EFCAB8: variants seen among roughly 807,000 people sequenced by gnomAD.
The protein encoded by EFCAB8 is EF-hand calcium binding domain 8.
A neutral mutation model predicts 116.3 loss-of-function variants in EFCAB8; 100 were observed. That is an observed-to-expected ratio of 0.86 (90% CI 0.73 to 1.02). The LOEUF is 1.02. Among genes scored for constraint, EFCAB8 ranks in the 50% least tolerant of loss-of-function variants. EFCAB8 has a pLI of 0.00. For missense variants in EFCAB8, 1,320 were observed against 1,416.9 expected (o/e 0.93, Z 1.10); for synonymous variants, 558 against 567.9 (o/e 0.98, Z 0.25).
chr20:32,889,986 G>A lies in EFCAB8; in HGVS notation c.673+580G>A, dbSNP rs145247957. Among the ~76,000 whole-genome samples the A allele has an allele frequency of 4.1e-3, 579 of 139,764 alleles. 4 individuals carry two copies. Among genetic ancestry groups the A allele is most frequent in the African/African-American group, 0.015 (560 of 38,326 alleles). 91.7% of individuals were successfully genotyped at this position (139,764 alleles called of 152,430 possible). Reference sequence around the variant, plus strand: ...ATTGCACTCCAGCATGGGCGACAGAGAGAGACTCAGTCTTAAAAAAAAAAA... The same window carrying A: ...ATTGCACTCCAGCATGGGCGACAGAAAGAGACTCAGTCTTAAAAAAAAAAA... On this transcript the variant is annotated intron_variant, in intron 7 of 26. Coordinates refer to ENST00000400522, the MANE Select transcript of EFCAB8 (RefSeq NM_001143967.2).
intron 15 of EFCAB8, among the ~76,000 whole-genome samples, chr20:32,910,419 G>A (rs1281325433): frequency 6.6e-6 from 1 of 152,196 alleles, no homozygotes; most frequent in Non-Finnish European, 1.5e-5. Context: ...AGCTGGGCAT[G>A]AGGAGTTGCT....
At chr20:32,928,957 T>G (rs1287151474) in intron 20 of EFCAB8, among the ~76,000 whole-genome samples, 1 of 152,026 alleles carries the variant, frequency 6.6e-6, no homozygotes, top group Non-Finnish European at 1.5e-5. Flanking sequence ...GTGGGTTTTT[T>G]TCTTTTTTTG....
At chr20:32,899,287 C>T (rs1220346734) in intron 11 of EFCAB8, among the ~76,000 whole-genome samples, 1 of 150,950 alleles carries the variant, frequency 6.6e-6, no homozygotes, top group Non-Finnish European at 1.5e-5. Context: ...CACCTGTAGT[C>T]CCAGCTACTC....
At chr20:32,941,483 T>G (rs1303354929) in intron 22 of EFCAB8, among the ~76,000 whole-genome samples, 2 of 137,060 alleles carry the variant, frequency 1.5e-5, no homozygotes, top group Non-Finnish European at 3.2e-5. Context: ...AATGTCAACT[T>G]CCAAATGGAT....
At chr20:32,861,106 C>G (rs925557072) in intron 1 of EFCAB8, among the ~76,000 whole-genome samples, 1 of 152,176 alleles carries the variant, frequency 6.6e-6, no homozygotes, top group Admixed American at 6.6e-5. Context: ...ATTCATCCTT[C>G]TGATGTTTGG....
intron 20 of EFCAB8, among the ~76,000 whole-genome samples, chr20:32,926,457 A>G (rs1347702936): frequency 1.3e-5 from 2 of 148,718 alleles, no homozygotes; most frequent in East Asian, 2.0e-4. Flanking sequence ...CAAACCTTGC[A>G]ATTTGTGGTG....
chr20:32,885,171 C>T (rs1009359138), intron 5 of EFCAB8, among the ~76,000 whole-genome samples: 5 of 152,322 alleles, frequency 3.3e-5, no homozygotes, highest in Admixed American at 6.5e-5. Context: ...AGAAGCTTTG[C>T]GAACAACCTC....
At position 32,906,857 on chromosome 20, in the gene EFCAB8, G is replaced by C. The variant is rs369917049; in HGVS notation, c.1171G>C (p.Asp391His). ...DRNFLVTGGY[D>H]AFIRLWNPFV... ...CTTGACCACAGTGACTGGTGGCTAC[G>C]ATGCCTTCATCCGCCTGTGGAACCC... The change falls in exon 13 of 27, where the codon GAT becomes CAT. Residue 391 changes from aspartate (D) to histidine (H), a missense_variant. Coordinates refer to ENST00000400522, the MANE Select transcript of EFCAB8 (RefSeq NM_001143967.2). 2.0e-6 allele frequency: 3 copies of C among 1,501,224 alleles called. No homozygotes were observed. In the African/African-American group the frequency reaches 4.2e-5, roughly 21 times the overall value. 93.0% of individuals were successfully genotyped at this position (1,501,224 alleles called of 1,614,324 possible).
chr20:32,872,599 GC>G (rs1326965715), intron 3 of EFCAB8, among the ~76,000 whole-genome samples: 1 of 152,088 alleles, frequency 6.6e-6, no homozygotes, highest in African/African-American at 2.4e-5. Flanking sequence ...TTCGAGACCA[GC>G]CTGGCCAACA....
chr20:32,886,024 C>G (rs751346752), intron 6 of EFCAB8, among the ~76,000 whole-genome samples: 1 of 152,220 alleles, frequency 6.6e-6, no homozygotes, highest in South Asian at 2.1e-4. Context: ...CACGTCCTAC[C>G]GATTCAGGCC....
In EFCAB8 at chr20:32,959,803, C is replaced by T. The variant is rs554070545; in HGVS notation, c.3115C>T (p.Leu1039=). 5.3e-5 allele frequency: 81 copies of T among 1,518,350 alleles called. No homozygotes were observed. Among genetic ancestry groups the T allele is most frequent in the Non-Finnish European group, 6.6e-5 (75 of 1,128,848 alleles). The allele number at this position is 1,518,350 out of a possible 1,614,324, so 94.1% of individuals were successfully genotyped here. A position where few individuals can be genotyped will look rare whatever the true frequency, so the allele number is the denominator to read the frequency against. ...GGAGCAGCGGGATCTGGCTGAGGCC[C>T]TGATATACCAGCGGCGAGAGCAGGC... The part of the protein sequence containing the change: ...LQEQRDLAEA[L]IYQRREQAAL... Residue 1039 remains leucine, a synonymous_variant, in exon 25 of 27, where the codon CTG becomes TTG. Coordinates refer to ENST00000400522, the MANE Select transcript of EFCAB8 (RefSeq NM_001143967.2).
At chr20:32,885,412 CCCT>C (rs1458201132) in intron 5 of EFCAB8, 90 bp from the exon 6 acceptor site, 2 of 1,498,704 alleles carry the variant, frequency 1.3e-6, no homozygotes, top group Non-Finnish European at 1.8e-6. Context: ...CGGCTTTTGT[CCCT>C]CCTCCTCGGT....
intron 15 of EFCAB8, among the ~76,000 whole-genome samples, chr20:32,910,946 C>A (rs1295612768): frequency 6.6e-6 from 1 of 152,062 alleles, no homozygotes; most frequent in Non-Finnish European, 1.5e-5. Flanking sequence ...GCATTTTGGC[C>A]AGGCTGGTCT....
intron 15 of EFCAB8, 81 bp downstream of exon 15, chr20:32,910,012 G>A (rs1462265989): frequency 4.5e-6 from 3 of 668,008 alleles, no homozygotes; most frequent in Non-Finnish European, 6.5e-6. Flanking sequence ...CTGTGTGCCT[G>A]GGTCTGTAGT....
rs149862819 is a variant in EFCAB8, at chr20:32,867,172, G to A, written c.43-410G>A. Among the ~76,000 whole-genome samples the A allele has an allele frequency of 1.8e-3, 277 of 152,250 alleles. 1 individual carries two copies. Among genetic ancestry groups the A allele is most frequent in the African/African-American group, 6.1e-3 (255 of 41,554 alleles). ...TGACCTCAAATGATCCGCCCTCCTC[G>A]GCCTCCCGAAGTGCTGGGATTATGG... On this transcript the variant is annotated intron_variant, in intron 2 of 26. Transcript: ENST00000400522.
chr20:32,881,230 C>T (rs1445811224), intron 5 of EFCAB8, among the ~76,000 whole-genome samples: 1 of 152,128 alleles, frequency 6.6e-6, no homozygotes, highest in Admixed American at 6.6e-5. Context: ...GAGTTTTGCT[C>T]TTGTTGCCCA....
intron 20 of EFCAB8, among the ~76,000 whole-genome samples, chr20:32,927,325 T>A (rs1000623332): frequency 6.6e-6 from 1 of 152,022 alleles, no homozygotes; most frequent in Non-Finnish European, 1.5e-5. Flanking sequence ...TCACCATGAT[T>A]TGTTTATTTA....
chr20:32,933,252 G>A (rs911746448), intron 22 of EFCAB8, among the ~76,000 whole-genome samples: 2 of 152,092 alleles, frequency 1.3e-5, no homozygotes, highest in Admixed American at 6.5e-5. Flanking sequence ...GTTTTATAAT[G>A]ATATATTTTA....
intron 3 of EFCAB8, among the ~76,000 whole-genome samples, chr20:32,869,424 C>T (rs4264628): frequency 2.0e-5 from 3 of 152,048 alleles, no homozygotes; most frequent in Non-Finnish European, 2.9e-5. Flanking sequence ...TTAGTAGAGA[C>T]GGGGTTTCTC....
Sources: allele counts gnomAD v4.1 joint callset (sites outside exome capture counted in the v4.1 genomes callset), GRCh38; gene constraint gnomAD v4.1.1; transcripts MANE v1.5; gene names NCBI Gene and HGNC (gene_info 2026-07-23, HGNC 2026-07-21).